MCL1: variants seen among roughly 807,000 people sequenced by gnomAD.
The protein encoded by MCL1 is induced myeloid leukemia cell differentiation protein Mcl-1.
In MCL1, 4 loss-of-function variants were observed where a neutral mutation model predicts 24.2. The ratio of observed to expected loss-of-function variants is 0.17; its 90% confidence interval spans 0.08 to 0.38. MCL1 has a LOEUF of 0.38. Among genes scored for constraint, MCL1 ranks in the 10% least tolerant of loss-of-function variants. The probability of loss-of-function intolerance (pLI) is 1.00; values close to 1 mark genes in which losing one functional copy is unlikely to be tolerated. For missense variants in MCL1, 529 were observed against 480.3 expected, an observed-to-expected ratio of 1.10 and a Z score of -0.95; for synonymous variants, 248 against 214.0, an observed-to-expected ratio of 1.16 and a Z score of -1.39.
chr1:150,578,808 G>C (rs762685834), intron 1 of MCL1, 35 bp downstream of exon 1: 1 of 1,581,658 alleles, frequency 6.3e-7, no homozygotes, highest in Non-Finnish European at 8.6e-7. Flanking sequence ...TGGAAAAAAG[G>C]GAGTGAGGCC....
rs1476856228 is a variant in MCL1, at chr1:150,577,173, TCAGA to T, written c.*198_*201del. The T allele has an allele frequency of 6.9e-6, 4 of 582,960 alleles. No homozygotes were observed. The highest frequency in any genetic ancestry group is 1.1e-5 in the Non-Finnish European group (4 of 349,408). The allele number at this position is 582,960 out of a possible 1,614,324, so 36.1% of individuals were successfully genotyped here. A position where few individuals can be genotyped will look rare whatever the true frequency, so the allele number is the denominator to read the frequency against. On this transcript the variant is annotated 3_prime_UTR_variant, in exon 3 of 3. Coordinates refer to ENST00000369026, the MANE Select transcript of MCL1 (RefSeq NM_021960.5). ...TTGCTGAAACTGAACTTTGCTTCTT[TCAGA>T]CAGTGACTCTTCAATCAATGGGGAG...
In MCL1 at chr1:150,574,960, C is replaced by CA; in HGVS notation, c.*2414dup. 4.3e-6 allele frequency: 1 copy of CA among 233,326 alleles called. No individual in the cohort carries two copies. The allele number at this position is 233,326 out of a possible 1,614,324, so 14.5% of individuals were successfully genotyped here. On this transcript the variant is annotated 3_prime_UTR_variant, in exon 3 of 3. Coordinates refer to ENST00000369026, the MANE Select transcript of MCL1 (RefSeq NM_021960.5). ...AACCACTTGGGGTGTCCTAAGCCCT[C>CA]ACTGCCCCAAGCCCAAAATATCAAC...
In MCL1 at chr1:150,579,186, G is replaced by C. The variant is rs750040895; in HGVS notation, c.345C>G (p.Ala115=). 1 of 1,604,996 alleles carries C rather than the reference G, an allele frequency of 6.2e-7. No homozygotes were observed. The highest frequency in any genetic ancestry group is 8.5e-7 in the Non-Finnish European group (1 of 1,177,718). The change falls in exon 1 of 3, where the codon GCC becomes GCG. Residue 115 remains alanine, a synonymous_variant. Transcript: ENST00000369026. The part of the protein sequence containing the change: ...AAPLEEMEAP[A]ADAIMSPEEE... ...CTTCGGGCGACATGATGGCGTCAGC[G>C]GCCGGGGCTTCCATCTCCTCAAGCG... is the stretch of plus-strand genomic sequence containing the variant.
In MCL1 at chr1:150,578,912, T is replaced by A; in HGVS notation, c.619A>T (p.Arg207Trp). ...CGTCGTAAGGTCTCCAGCGCCTTCC[T>A]GCTGGTGGCCCCAGACCTGCCCATT... ...KPMGRSGATSRKALETLRRVG... is the reference protein window; with the variant it reads ...KPMGRSGATSWKALETLRRVG... Residue 207 changes from arginine to tryptophan, a missense_variant, in exon 1 of 3, where the codon AGG becomes TGG. By Grantham distance (101) the Arg-to-Trp change is moderately radical. Coordinates refer to ENST00000369026, the MANE Select transcript of MCL1 (RefSeq NM_021960.5). 1 of 1,613,858 alleles carries A rather than the reference T, an allele frequency of 6.2e-7. No individual in the cohort carries two copies. Among genetic ancestry groups the A allele is most frequent in the South Asian group, 1.1e-5 (1 of 91,088 alleles).
rs1647743504 is a variant in MCL1 at position 150,575,254 on chromosome 1, G to A, written c.*2121C>T. On this transcript the variant is annotated 3_prime_UTR_variant, in exon 3 of 3. Coordinates refer to ENST00000369026, the MANE Select transcript of MCL1 (RefSeq NM_021960.5). ...AGCAAAGATGACCTTATGGCTCTGA[G>A]ATGGGCAGGCAGGGCAGTTCTTCCC... is the stretch of plus-strand genomic sequence containing the variant. 3 of 233,278 alleles carry A rather than the reference G, an allele frequency of 1.3e-5. No individual in the cohort carries two copies. The highest frequency in any genetic ancestry group is 2.2e-5 in the African/African-American group (1 of 45,320). The allele number at this position is 233,278 out of a possible 1,614,324, so 14.5% of individuals were successfully genotyped here. A position where few individuals can be genotyped will look rare whatever the true frequency, so the allele number is the denominator to read the frequency against.
chr1:150,578,744 C>A (rs1647928624), intron 1 of MCL1, 99 bp downstream of exon 1: 7 of 1,309,520 alleles, frequency 5.3e-6, no homozygotes, highest in Non-Finnish European at 7.4e-6. Flanking sequence ...CACGTTTCAA[C>A]ACTGACTCGT....
Position 150,579,323 on chromosome 1 carries a change from TGAG to T in MCL1, c.205_207del (p.Leu69del), listed in dbSNP as rs754280018. On this transcript the variant is annotated inframe_deletion, in exon 1 of 3. Transcript: ENST00000369026. ...CGCGCGACCCTCCGGGAGTCTGGCG[TGAG>T]GGTGGACGGGGGGCTTGCGCCGGCG... 2.0e-6 allele frequency: 3 copies of T among 1,478,460 alleles called. No individual in the cohort carries two copies. Among genetic ancestry groups the T allele is most frequent in the Non-Finnish European group, 2.7e-6 (3 of 1,122,010 alleles). The allele number at this position is 1,478,460 out of a possible 1,614,324, so 91.6% of individuals were successfully genotyped here.
At position 150,579,143 on chromosome 1, in the gene MCL1, C is replaced by T. The variant is rs1647961787; in HGVS notation, c.388G>A (p.Glu130Lys). The change falls in exon 1 of 3, where the codon GAG becomes AAG. Residue 130 changes from glutamate to lysine, a missense_variant. Coordinates refer to ENST00000369026, the MANE Select transcript of MCL1 (RefSeq NM_021960.5). ...MSPEEELDGY[E>K]PEPLGKRPAV... is the part of the protein sequence containing the mutation. The stretch of plus-strand genomic sequence containing the variant: ...GGCCGCTTCCCGAGAGGCTCCGGCT[C>T]GTACCCGTCCAGCTCCTCTTCGGGC... The T allele has an allele frequency of 1.2e-6, 2 of 1,612,104 alleles. No homozygotes were observed. The highest frequency in any genetic ancestry group is 1.7e-5 in the Admixed American group (1 of 60,020).
Position 150,575,334 on chromosome 1 carries a change from T to C in MCL1, c.*2041A>G, listed in dbSNP as rs1478979800. ...CTATTTTTAAATGGAGTCCACAGAC[T>C]AAAGGTCATGTTCCGAGACTGAAGC... On this transcript the variant is annotated 3_prime_UTR_variant, in exon 3 of 3. Coordinates refer to ENST00000369026, the MANE Select transcript of MCL1 (RefSeq NM_021960.5). 4.3e-6 allele frequency: 1 copy of C among 233,250 alleles called. No homozygotes were observed. The highest frequency in any genetic ancestry group is 2.2e-5 in the African/African-American group (1 of 45,346). 14.4% of individuals were successfully genotyped at this position (233,250 alleles called of 1,614,324 possible). A position where few individuals can be genotyped will look rare whatever the true frequency, so the allele number is the denominator to read the frequency against.
At position 150,576,625 on chromosome 1, in the gene MCL1, T is replaced by G. The variant is rs143379465; in HGVS notation, c.*750A>C. ...TTCAAAAGGGTATGAAAAAAACTAA[T>G]GTAAATTCGATACTTCCTTCGTTTC... On this transcript the variant is annotated 3_prime_UTR_variant, in exon 3 of 3. Transcript: ENST00000369026. The G allele has an allele frequency of 2.2e-5, 5 of 232,262 alleles. No individual in the cohort carries two copies. The allele number at this position is 232,262 out of a possible 1,614,324, so 14.4% of individuals were successfully genotyped here.
At chr1:150,578,738 T>G in intron 1 of MCL1, 105 bp downstream of exon 1, 1 of 1,266,682 alleles carries the variant, frequency 7.9e-7, no homozygotes, top group Non-Finnish European at 1.1e-6. Flanking sequence ...ATGAGACACG[T>G]TTCAACACTG....
In MCL1 at chr1:150,578,732, GAC is replaced by G. The variant is rs1647928371; in HGVS notation, c.688+109_688+110del. 3.3e-6 allele frequency: 4 copies of G among 1,203,920 alleles called. No homozygotes were observed. In the South Asian group the frequency reaches 5.8e-5, roughly 18 times the overall value. 74.6% of individuals were successfully genotyped at this position (1,203,920 alleles called of 1,614,324 possible). On this transcript the variant is annotated intron_variant, in intron 1 of 2. Transcript: ENST00000369026. ...TATTCTGGCTTCAGGAATAGGATGAGACACGTTTCAACACTGACTCGTTTCGG... is the reference window on the plus strand; with the variant it reads ...TATTCTGGCTTCAGGAATAGGATGAGACGTTTCAACACTGACTCGTTTCGG...
rs766888806 is a variant in MCL1, at chr1:150,578,203, C to T, written c.936+41G>A. 8 of 1,586,852 alleles carry T rather than the reference C, an allele frequency of 5.0e-6. No homozygotes were observed. In the Admixed American group the frequency reaches 5.6e-5, roughly 11 times the overall value. Reference sequence around the variant, plus strand: ...TCTCTAAAAAAAATCCTTCATTCTACTTCCACTCCAAGGCCCCTTTCATCC... The same window carrying T: ...TCTCTAAAAAAAATCCTTCATTCTATTTCCACTCCAAGGCCCCTTTCATCC... On this transcript the variant is annotated intron_variant, in intron 2 of 2. Coordinates refer to ENST00000369026, the MANE Select transcript of MCL1 (RefSeq NM_021960.5).
chr1:150,577,587 G>T, intron 2 of MCL1, 96 bp from the exon 3 acceptor site: 1 of 1,322,800 alleles, frequency 7.6e-7, no homozygotes, highest in Non-Finnish European at 1.0e-6. Flanking sequence ...AATATCTAAG[G>T]TTTCCCCCTA....
Position 150,577,458 on chromosome 1 carries a change from G to C in MCL1, c.970C>G (p.Leu324Val). ...AGCACATTCCTGATGCCACCTTCTA[G>C]GTCCTCTACATGGAAGAACTCCACA... Reference protein sequence around the residue: ...GFVEFFHVEDLEGGIRNVLLA... With the variant: ...GFVEFFHVEDVEGGIRNVLLA... Residue 324 changes from leucine to valine, a missense_variant, in exon 3 of 3, where the codon CTA becomes GTA. Transcript: ENST00000369026. The C allele has an allele frequency of 1.2e-6, 2 of 1,613,414 alleles. No individual in the cohort carries two copies. Among genetic ancestry groups the C allele is most frequent in the Non-Finnish European group, 1.7e-6 (2 of 1,179,750 alleles).
chr1:150,578,183 A>T, intron 2 of MCL1, 61 bp downstream of exon 2: 1 of 1,549,852 alleles, frequency 6.5e-7, no homozygotes, highest in Non-Finnish European at 8.7e-7. Flanking sequence ...CCACCTCTCT[A>T]AAAAAAATCC....
rs755515840 is a variant in MCL1 at position 150,578,408 on chromosome 1, C to T, written c.772G>A (p.Val258Ile). Residue 258 changes from valine (V) to isoleucine (I), a missense_variant, in exon 2 of 3, where the codon GTA becomes ATA. By Grantham distance (29) the Val-to-Ile change is conservative. Transcript: ENST00000369026. ...RVMIHVFSDG[V>I]TNWGRIVTLI... ...GTCACAATCCTGCCCCAGTTTGTTA[C>T]GCCGTCGCTGAAAACATGGATCATC... is the stretch of plus-strand genomic sequence containing the variant. 2 of 1,614,214 alleles carry T rather than the reference C, an allele frequency of 1.2e-6. No individual in the cohort carries two copies. Among genetic ancestry groups the T allele is most frequent in the Non-Finnish European group, 1.7e-6 (2 of 1,180,034 alleles).
In MCL1 at chr1:150,578,735, AC is replaced by A. The variant is rs1249707197; in HGVS notation, c.688+107del. On this transcript the variant is annotated intron_variant, in intron 1 of 2. Coordinates refer to ENST00000369026, the MANE Select transcript of MCL1 (RefSeq NM_021960.5). ...TCTGGCTTCAGGAATAGGATGAGAC[AC>A]GTTTCAACACTGACTCGTTTCGGTT... 5 of 1,212,078 alleles carry A rather than the reference AC, an allele frequency of 4.1e-6. No individual in the cohort carries two copies. The East Asian group carries it at 1.2e-4, about 29-fold the overall frequency. 75.1% of individuals were successfully genotyped at this position (1,212,078 alleles called of 1,614,324 possible).
In MCL1 at chr1:150,577,086, C is replaced by G. The variant is rs1213098153; in HGVS notation, c.*289G>C. 9.3e-6 allele frequency: 3 copies of G among 320,988 alleles called. No individual in the cohort carries two copies. Among genetic ancestry groups the G allele is most frequent in the African/African-American group, 6.3e-5 (3 of 47,588 alleles). The allele number at this position is 320,988 out of a possible 1,614,324, so 19.9% of individuals were successfully genotyped here. Reference sequence around the variant, plus strand: ...TCAACAAGGAAATTAAGTCTTTCCACCCTACCATCTTCACTAAATCTAAAA... The same window carrying G: ...TCAACAAGGAAATTAAGTCTTTCCAGCCTACCATCTTCACTAAATCTAAAA... On this transcript the variant is annotated 3_prime_UTR_variant, in exon 3 of 3. Coordinates refer to ENST00000369026, the MANE Select transcript of MCL1 (RefSeq NM_021960.5).
Sources: gnomAD v4.1 joint callset for allele counts on GRCh38, gnomAD v4.1.1 for gene constraint, MANE v1.5 for transcripts, NCBI Gene and HGNC (gene_info 2026-07-23, HGNC 2026-07-21) for gene names.